Variants in EDA observed in about 807,000 individuals in gnomAD.
The protein encoded by EDA is ectodysplasin A.
EDA carries 2 observed loss-of-function variants against 23.6 expected under a neutral mutation model. The observed-to-expected ratio is 0.08, with a 90% CI of 0.03 to 0.27. EDA has a LOEUF of 0.27. Ranked by LOEUF, EDA falls within the 10% of genes least tolerant of loss-of-function variation. EDA has a pLI of 1.00. For missense variants in EDA, 229 were observed against 324.2 expected (o/e 0.71, Z 2.26); for synonymous variants, 131 against 132.0 (o/e 0.99, Z 0.05).
chrX:69,816,347 T>C (rs1257547569), intron 1 of EDA, among the ~76,000 whole-genome samples: 4 of 111,314 alleles, frequency 3.6e-5, no homozygotes, highest in Non-Finnish European at 3.8e-5. Flanking sequence ...GAGGCTGAGA[T>C]GGCTGAATTG....
chrX:69,751,864 C>G lies in EDA; in HGVS notation c.396+135160C>G, dbSNP rs780432983. Among the ~76,000 whole-genome samples, 7 of 107,672 alleles carry G rather than the reference C, an allele frequency of 6.5e-5. No homozygotes were observed. The Admixed American group carries it at 6.9e-4, about 11-fold the overall frequency. The allele number at this position is 107,672 out of a possible 115,157, so 93.5% of individuals were successfully genotyped here. On this transcript the variant is annotated intron_variant, in intron 1 of 7. Transcript: ENST00000374552. ...GAATTCTGTTATAACAGAACAGAAT[C>G]CTGTTCTGTTATAACAGGAATTCCT...
At chrX:69,937,388 C>A (rs2018688990) in intron 1 of EDA, 3 of 660,137 alleles carry the variant, frequency 4.5e-6, no homozygotes, top group Non-Finnish European at 7.7e-6. Context: ...CTGCCACCTC[C>A]TGTAATCCAT....
At chrX:69,855,454 C>T (rs1311205183) in intron 1 of EDA, among the ~76,000 whole-genome samples, 1 of 112,077 alleles carries the variant, frequency 8.9e-6, no homozygotes, top group Non-Finnish European at 1.9e-5. Context: ...TTGGGTTTTA[C>T]ATTTAAGTCT....
intron 1 of EDA, among the ~76,000 whole-genome samples, chrX:69,841,057 T>G (rs1218957002): frequency 8.9e-6 from 1 of 112,431 alleles, no homozygotes; most frequent in Admixed American, 9.5e-5. Context: ...TTCTGTATGC[T>G]ATGGTGAAAT....
chrX:69,737,781 T>G (rs1048554216), intron 1 of EDA, among the ~76,000 whole-genome samples: 2 of 111,606 alleles, frequency 1.8e-5, no homozygotes, highest in African/African-American at 6.5e-5. Flanking sequence ...CTGTTTTTGT[T>G]TGCCTGAAAA....
intron 1 of EDA, among the ~76,000 whole-genome samples, chrX:69,845,144 T>C (rs2016980619): frequency 8.9e-6 from 1 of 112,629 alleles, no homozygotes; most frequent in Non-Finnish European, 1.9e-5. Context: ...TAGCTCTACA[T>C]AGTTGAAGGA....
intron 1 of EDA, chrX:69,937,065 C>T: frequency 3.6e-6 from 2 of 557,384 alleles, no homozygotes; most frequent in Non-Finnish European, 5.9e-6. Flanking sequence ...GGGGAAGGGA[C>T]TGTCTGTTGT....
intron 1 of EDA, among the ~76,000 whole-genome samples, chrX:69,821,551 C>G (rs1407533809): frequency 8.9e-6 from 1 of 111,853 alleles, no homozygotes; most frequent in Non-Finnish European, 1.9e-5. Context: ...TTTAAAAGTA[C>G]TTGAATTTAT....
chrX:70,005,088 C>G (rs1048604188), intron 2 of EDA, among the ~76,000 whole-genome samples: 10 of 111,288 alleles, frequency 9.0e-5, no homozygotes, highest in African/African-American at 2.9e-4. Context: ...AGAGCAAGAC[C>G]ATGTATCAGG....
At chrX:69,800,212 G>GT (rs1182483612) in intron 1 of EDA, among the ~76,000 whole-genome samples, 1 of 111,827 alleles carries the variant, frequency 8.9e-6, no homozygotes, top group East Asian at 2.8e-4. Flanking sequence ...ACTGGGAAGG[G>GT]TATATGGGTG....
Position 70,035,478 on chromosome X carries a change from G to A in EDA, c.1045G>A (p.Ala349Thr), listed in dbSNP as rs132630317. ...GACCAACTACAACACTTGCTATACC[G>A]CAGGCGTCTGCCTCCTCAAGGCCCG... is the stretch of plus-strand genomic sequence containing the variant. The part of the protein sequence containing the change: ...GKTNYNTCYT[A>T]GVCLLKARQK... The change falls in exon 8 of 8, where the codon GCA becomes ACA. Residue 349 changes from alanine to threonine, a missense_variant. Ala to Thr is a moderately conservative substitution (Grantham distance 58). Around this residue, in one of 2 missense-constraint regions of EDA, gnomAD observed 175 missense variants for 281.8 expected, o/e 0.62. Transcript: ENST00000374552. 1 of 1,210,345 alleles carries A rather than the reference G, an allele frequency of 8.3e-7. No homozygotes were observed. Among genetic ancestry groups the A allele is most frequent in the South Asian group, 1.8e-5 (1 of 56,861 alleles).
At chrX:69,744,918 C>G (rs2013571032) in intron 1 of EDA, among the ~76,000 whole-genome samples, 1 of 111,885 alleles carries the variant, frequency 8.9e-6, no homozygotes, top group Admixed American at 9.5e-5. Context: ...CTACTCTGAG[C>G]CTGTGTCCTT....
chrX:69,836,179 T>C (rs2016768838), intron 1 of EDA, among the ~76,000 whole-genome samples: 1 of 112,569 alleles, frequency 8.9e-6, no homozygotes, highest in Non-Finnish European at 1.9e-5. Context: ...CCAGTTAGGC[T>C]ATACAGAGGT....
chrX:69,624,925 G>C (rs984827697), intron 1 of EDA, among the ~76,000 whole-genome samples: 1 of 109,663 alleles, frequency 9.1e-6, no homozygotes, highest in Non-Finnish European at 1.9e-5. Flanking sequence ...TACTTTGTTA[G>C]ATCTCAGATA....
chrX:70,023,316 G>A (rs761175388), intron 3 of EDA, 75 bp downstream of exon 3: 19 of 673,075 alleles, frequency 2.8e-5, no homozygotes, highest in African/African-American at 4.4e-5. Context: ...TCAAGAGTGC[G>A]ATTTTTGTAT....
intron 1 of EDA, among the ~76,000 whole-genome samples, chrX:69,854,640 C>T (rs763643780): frequency 2.7e-5 from 3 of 112,414 alleles, no homozygotes; most frequent in African/African-American, 9.7e-5. Flanking sequence ...GACATGATCT[C>T]ATTCTTTTTA....
intron 2 of EDA, among the ~76,000 whole-genome samples, chrX:69,987,309 TTTAAAAATAAATAAA>T (rs2019513286): frequency 1.1e-5 from 1 of 90,702 alleles, no homozygotes; most frequent in African/African-American, 4.7e-5. Flanking sequence ...AATTTTTTTT[TTTAAAAATAAATAAA>T]TAAAAAAAAA....
intron 1 of EDA, among the ~76,000 whole-genome samples, chrX:69,629,000 C>G (rs767968944): frequency 2.7e-5 from 3 of 111,401 alleles, no homozygotes; most frequent in African/African-American, 6.5e-5. Flanking sequence ...TATACCTCAG[C>G]TAGATTATTT....
At chrX:69,787,367 A>G (rs1163308663) in intron 1 of EDA, among the ~76,000 whole-genome samples, 1 of 100,437 alleles carries the variant, frequency 1.0e-5, no homozygotes, top group East Asian at 3.0e-4. Context: ...TCGTTAGTTG[A>G]TGCAGTTTCT....
Sources: allele counts gnomAD v4.1 joint callset (sites outside exome capture counted in the v4.1 genomes callset), GRCh38; gene constraint gnomAD v4.1.1; regional missense constraint gnomAD v4.1.1; transcripts MANE v1.5; gene names NCBI Gene and HGNC (gene_info 2026-07-23, HGNC 2026-07-21).